WWC2: variants seen among roughly 807,000 people sequenced by gnomAD.
The protein encoded by WWC2 is protein WWC2.
In WWC2, 101 loss-of-function variants were observed where a neutral mutation model predicts 138.5. The ratio of observed to expected loss-of-function variants is 0.73; its 90% CI spans 0.62 to 0.86. The LOEUF (loss-of-function observed/expected upper bound fraction) is 0.86. WWC2 is among the 40% of genes least tolerant of loss of function. The pLI, the probability that WWC2 is intolerant of heterozygous loss-of-function variation, is 0.00. For missense variants in WWC2, 1,420 were observed against 1,419.4 expected (o/e 1.00, Z -0.01); for synonymous variants, 558 against 538.4 (o/e 1.04, Z -0.50).
At chr4:183,249,532 T>A (rs984033304) in intron 7 of WWC2, among the ~76,000 whole-genome samples, 1 of 152,184 alleles carries the variant, frequency 6.6e-6, no homozygotes, top group African/African-American at 2.4e-5. Context: ...TTTTGTACAG[T>A]TGAAAGCTAA....
intron 1 of WWC2, among the ~76,000 whole-genome samples, chr4:183,171,212 T>G (rs1387193813): frequency 6.6e-6 from 1 of 152,200 alleles, no homozygotes; most frequent in Non-Finnish European, 1.5e-5. Context: ...GAGAGCAGGG[T>G]CAAGGGTTAA....
At chr4:183,260,856 A>T in intron 10 of WWC2, 54 bp from the exon 11 acceptor site, 4 of 1,587,458 alleles carry the variant, frequency 2.5e-6, no homozygotes, top group Non-Finnish European at 1.7e-6. Flanking sequence ...AGAGATTGTG[A>T]TTAGGTTTTC....
At chr4:183,238,384 A>G (rs1312725679) in intron 4 of WWC2, among the ~76,000 whole-genome samples, 1 of 152,122 alleles carries the variant, frequency 6.6e-6, no homozygotes, top group East Asian at 1.9e-4. Flanking sequence ...CCCTCGTGGC[A>G]CTTCTGCTCA....
intron 1 of WWC2, among the ~76,000 whole-genome samples, chr4:183,189,482 T>A (rs1734928034): frequency 6.6e-6 from 1 of 152,062 alleles, no homozygotes; most frequent in Non-Finnish European, 1.5e-5. Context: ...TTGACATCAT[T>A]ATAAATGAAG....
At chr4:183,134,413 G>A (rs959450096) in intron 1 of WWC2, among the ~76,000 whole-genome samples, 2 of 151,658 alleles carry the variant, frequency 1.3e-5, no homozygotes, top group Non-Finnish European at 2.9e-5. Context: ...ATAAACCTAA[G>A]TACATTGTGC....
At chr4:183,273,371 C>A (rs1267365572) in intron 16 of WWC2, among the ~76,000 whole-genome samples, 1 of 152,104 alleles carries the variant, frequency 6.6e-6, no homozygotes, top group African/African-American at 2.4e-5. Flanking sequence ...ATGGCATAAT[C>A]TCGGCTAACC....
At chr4:183,245,950 T>C (rs906969293) in intron 6 of WWC2, among the ~76,000 whole-genome samples, 3 of 152,214 alleles carry the variant, frequency 2.0e-5, no homozygotes, top group African/African-American at 4.8e-5. Context: ...GCTTGCCTTT[T>C]GGGGATGAGG....
At position 183,143,241 on chromosome 4, in the gene WWC2, T is replaced by C. The variant is rs142219979; in HGVS notation, c.131+43619T>C. Reference sequence around the variant, plus strand: ...CTTGGGTCAGAAGAAAGCCAAACTCTTTGACATTTTGCCAGAAAAAAAACT... The same window carrying C: ...CTTGGGTCAGAAGAAAGCCAAACTCCTTGACATTTTGCCAGAAAAAAAACT... On this transcript the variant is annotated intron_variant, in intron 1 of 22. Transcript: ENST00000403733. 1.1e-4 allele frequency among the ~76,000 whole-genome samples: 17 copies of C among 152,322 alleles called. No homozygotes were observed. The East Asian group carries it at 2.9e-3, about 26-fold the overall frequency.
chr4:183,238,941 C>G (rs1385203665), intron 4 of WWC2, among the ~76,000 whole-genome samples: 1 of 152,144 alleles, frequency 6.6e-6, no homozygotes, highest in Non-Finnish European at 1.5e-5. Context: ...GAGTCAATAC[C>G]TATTTGTGGA....
chr4:183,205,814 A>C (rs375925098), intron 2 of WWC2, among the ~76,000 whole-genome samples: 82 of 152,290 alleles, frequency 5.4e-4, no homozygotes, highest in African/African-American at 1.9e-3. Flanking sequence ...CTGGCTGGTC[A>C]TAATTTGAAA....
chr4:183,115,848 G>T (rs1579952302), intron 1 of WWC2, among the ~76,000 whole-genome samples: 1 of 152,022 alleles, frequency 6.6e-6, no homozygotes, highest in East Asian at 1.9e-4. Context: ...GTTTAATTAG[G>T]TCCCATTTGT....
intron 1 of WWC2, among the ~76,000 whole-genome samples, chr4:183,189,940 T>TAAA (rs1326182068): frequency 6.6e-6 from 1 of 152,202 alleles, no homozygotes; most frequent in Non-Finnish European, 1.5e-5. Context: ...GAGTTGACAA[T>TAAA]AAATATTAAA....
At chr4:183,133,592 G>T (rs1272337023) in intron 1 of WWC2, among the ~76,000 whole-genome samples, 4 of 152,240 alleles carry the variant, frequency 2.6e-5, no homozygotes, top group Admixed American at 2.6e-4. Flanking sequence ...TGCCTTCCAG[G>T]TTCAAATGAT....
intron 1 of WWC2, among the ~76,000 whole-genome samples, chr4:183,154,980 T>G (rs890483476): frequency 1.3e-5 from 2 of 152,198 alleles, no homozygotes; most frequent in Non-Finnish European, 2.9e-5. Context: ...TCGCAGCTGC[T>G]CTGTCCCATT....
At chr4:183,299,353 C>T (rs376779570) in intron 21 of WWC2, among the ~76,000 whole-genome samples, 4 of 152,044 alleles carry the variant, frequency 2.6e-5, no homozygotes, top group Admixed American at 1.3e-4. Flanking sequence ...GCCCGCTGCC[C>T]CTCCGTCTTT....
chr4:183,263,724 C>T (rs1045929782), intron 11 of WWC2, among the ~76,000 whole-genome samples: 1 of 152,176 alleles, frequency 6.6e-6, no homozygotes, highest in Non-Finnish European at 1.5e-5. Flanking sequence ...TGCACCACTG[C>T]ACTCCAGCCT....
chr4:183,250,259 G>A (rs1736938105), intron 8 of WWC2, among the ~76,000 whole-genome samples: 2 of 140,420 alleles, frequency 1.4e-5, no homozygotes, highest in Non-Finnish European at 3.0e-5. Flanking sequence ...TGAGAAAAAA[G>A]AAGCTTTGAG....
At chr4:183,225,064 G>T (rs1017566153) in intron 4 of WWC2, among the ~76,000 whole-genome samples, 1 of 148,738 alleles carries the variant, frequency 6.7e-6, no homozygotes, top group South Asian at 2.1e-4. Flanking sequence ...AGATGTTTTT[G>T]ACTTTTTTTT....
intron 10 of WWC2, 85 bp from the exon 11 acceptor site, chr4:183,260,825 T>C (rs181999684): frequency 1.3e-6 from 2 of 1,504,968 alleles, no homozygotes; most frequent in East Asian, 2.3e-5. Flanking sequence ...TTCTTCCCTC[T>C]GCAGATCTGA....
Sources: allele counts gnomAD v4.1 joint callset (sites outside exome capture counted in the v4.1 genomes callset), GRCh38; gene constraint gnomAD v4.1.1; transcripts MANE v1.5; gene names NCBI Gene and HGNC (gene_info 2026-07-23, HGNC 2026-07-21).